MAPK10: variants seen among roughly 807,000 people sequenced by gnomAD.
MAPK10 encodes the protein mitogen-activated protein kinase 10, also known as JNK3 alpha protein kinase.
In MAPK10, 25 loss-of-function variants were observed where a neutral mutation model predicts 59.3. The observed-to-expected ratio is 0.42, with a 90% CI of 0.31 to 0.59. MAPK10 has a LOEUF of 0.59. Ranked by LOEUF, MAPK10 falls within the 20% of genes least tolerant of loss-of-function variation. MAPK10 has a pLI of 0.15. For synonymous variants in MAPK10, 190 were observed against 200.5 expected, an observed-to-expected ratio of 0.95 and a Z score of 0.44; for missense variants, 351 against 568.9, an observed-to-expected ratio of 0.62 and a Z score of 3.90.
chr4:86,347,978 G>A (rs995580279), intron 2 of MAPK10, among the ~76,000 whole-genome samples: 2 of 152,120 alleles, frequency 1.3e-5, no homozygotes, highest in Admixed American at 6.6e-5. Flanking sequence ...AACTGCTGCA[G>A]CCATTGAGAA....
intron 1 of MAPK10, among the ~76,000 whole-genome samples, chr4:86,582,105 A>G (rs1258922108): frequency 6.6e-6 from 1 of 151,452 alleles, no homozygotes; most frequent in Non-Finnish European, 1.5e-5. Flanking sequence ...TTTGTCTTCA[A>G]AAGTACAAGA....
chr4:86,133,451 C>A lies in MAPK10; in HGVS notation c.236+25847G>T, dbSNP rs574748685. Among the ~76,000 whole-genome samples, 3 of 152,106 alleles carry A rather than the reference C, an allele frequency of 2.0e-5. No individual in the cohort carries two copies. In the South Asian group the frequency reaches 6.3e-4, roughly 32 times the overall value. On this transcript the variant is annotated intron_variant, in intron 4 of 13. Coordinates refer to ENST00000641462, the MANE Select transcript of MAPK10 (RefSeq NM_138982.4). ...GTGATTTTTCTTAAAGAGGGAGCTC[C>A]AAAATTTTATAAGCTTAATGTGCAA... is the stretch of plus-strand genomic sequence containing the variant.
At chr4:86,462,556 T>G (rs1387927431) in intron 1 of MAPK10, among the ~76,000 whole-genome samples, 1 of 152,166 alleles carries the variant, frequency 6.6e-6, no homozygotes, top group African/African-American at 2.4e-5. Flanking sequence ...CAATCACTTC[T>G]CTACAGCACC....
At chr4:86,221,228 G>A (rs1290406939) in intron 2 of MAPK10, among the ~76,000 whole-genome samples, 1 of 152,134 alleles carries the variant, frequency 6.6e-6, no homozygotes, top group Non-Finnish European at 1.5e-5. Context: ...TATAAATCCT[G>A]AGCAATCACC....
At chr4:86,514,995 C>T (rs1204650727) in intron 1 of MAPK10, among the ~76,000 whole-genome samples, 1 of 151,984 alleles carries the variant, frequency 6.6e-6, no homozygotes, top group Non-Finnish European at 1.5e-5. Context: ...ATTCCTCACC[C>T]CCACCTCACA....
Position 86,159,477 on chromosome 4 carries a change from A to G in MAPK10, c.67-10T>C, listed in dbSNP as rs2068832854. ...CTTGTTTATCGAATCCCTGTCAAAA[A>G]GAAGAACAGCAAAAACATGAGGCAA... On this transcript the variant is annotated splice_polypyrimidine_tract_variant and intron_variant, in intron 3 of 13. Coordinates refer to ENST00000641462, the MANE Select transcript of MAPK10 (RefSeq NM_138982.4). 1 of 1,607,748 alleles carries G rather than the reference A, an allele frequency of 6.2e-7. No homozygotes were observed. The highest frequency in any genetic ancestry group is 1.3e-5 in the African/African-American group (1 of 74,702).
chr4:86,537,672 T>A (rs773865801), intron 1 of MAPK10, among the ~76,000 whole-genome samples: 40 of 152,184 alleles, frequency 2.6e-4, no homozygotes, highest in Non-Finnish European at 4.4e-4. Context: ...TGTCAGGTTG[T>A]TTGTGTTTGT....
At chr4:86,112,888 G>GTGTGCTC (rs2057723306) in intron 4 of MAPK10, among the ~76,000 whole-genome samples, 1 of 152,062 alleles carries the variant, frequency 6.6e-6, no homozygotes, top group African/African-American at 2.4e-5. Flanking sequence ...TTATGAAACT[G>GTGTGCTC]TGTGCTCCTG....
In MAPK10 at chr4:86,239,024, G is replaced by A. The variant is rs983424670; in HGVS notation, c.-6-44617C>T. Among the ~76,000 whole-genome samples, 3 of 152,014 alleles carry A rather than the reference G, an allele frequency of 2.0e-5. No homozygotes were observed. The East Asian group carries it at 5.8e-4, about 29-fold the overall frequency. On this transcript the variant is annotated intron_variant, in intron 2 of 13. Transcript: ENST00000641462. The stretch of plus-strand genomic sequence containing the variant: ...TATTATTTTGAGATTATGTTCCATA[G>A]ATATCTAGTTTATTGAGAGTTTTTA...
intron 9 of MAPK10, among the ~76,000 whole-genome samples, chr4:86,093,353 G>A (rs2053602186): frequency 1.3e-5 from 2 of 151,858 alleles, no homozygotes; most frequent in South Asian, 4.1e-4. Context: ...CTCAATGAAT[G>A]ACTCAACACA....
At chr4:86,372,564 G>GAAAGGAAGGAAAAGAAAAGA (rs1554253764) in intron 1 of MAPK10, among the ~76,000 whole-genome samples, 4 of 78,690 alleles carry the variant, frequency 5.1e-5, no homozygotes, top group African/African-American at 1.8e-4. Flanking sequence ...AAGAAAGAAA[G>GAAAGGAAGGAAAAGAAAAGA]AAAGAAAAGA....
rs1578951816 is a variant in MAPK10 at position 86,371,901 on chromosome 4, A to G, written c.-121-17257T>C. On this transcript the variant is annotated intron_variant, in intron 1 of 13. Transcript: ENST00000361569. ...CAGTCTTTTCAACCCACAGACCTAC[A>G]AAGAGACTTAGACTCCCACACAATA... 2.6e-5 allele frequency among the ~76,000 whole-genome samples: 4 copies of G among 152,250 alleles called. No homozygotes were observed. In the East Asian group the frequency reaches 7.7e-4, roughly 29 times the overall value.
chr4:86,403,310 T>A (rs1033513352), intron 1 of MAPK10, among the ~76,000 whole-genome samples: 3 of 150,946 alleles, frequency 2.0e-5, no homozygotes, highest in African/African-American at 4.9e-5. Context: ...AGGTCAGGAG[T>A]TCAAGATCAG....
At chr4:86,431,332 T>C (rs1230751051) in intron 1 of MAPK10, among the ~76,000 whole-genome samples, 3 of 152,172 alleles carry the variant, frequency 2.0e-5, no homozygotes, top group African/African-American at 4.8e-5. Flanking sequence ...TGAAAAGATA[T>C]TCATGACAAG....
intron 9 of MAPK10, chr4:86,089,057 T>G (rs2052539874): frequency 1.7e-6 from 1 of 600,078 alleles, no homozygotes; most frequent in African/African-American, 1.9e-5. Flanking sequence ...TACTCTGCCA[T>G]AATGCCAACT....
intron 1 of MAPK10, among the ~76,000 whole-genome samples, chr4:86,427,724 C>A (rs1184654427): frequency 6.6e-6 from 1 of 152,208 alleles, no homozygotes; most frequent in Non-Finnish European, 1.5e-5. Context: ...TTTCTCATTT[C>A]ATCTCTCTTC....
chr4:86,053,321 G>C (rs537346030), intron 11 of MAPK10, among the ~76,000 whole-genome samples: 20 of 152,248 alleles, frequency 1.3e-4, no homozygotes, highest in African/African-American at 4.1e-4. Context: ...GAGTGCCTTA[G>C]AGCTCTCCTT....
At chr4:86,362,053 C>A (rs376270881), upstream of MAPK10, among the ~76,000 whole-genome samples, 6 of 151,834 alleles carry the variant, frequency 4.0e-5, 1 homozygote, top group Middle Eastern at 6.4e-3. Context: ...GTTCTTACTA[C>A]AAAGAAATGA....
At chr4:86,310,186 T>G (rs2095642286) in intron 2 of MAPK10, among the ~76,000 whole-genome samples, 1 of 152,168 alleles carries the variant, frequency 6.6e-6, no homozygotes, top group Admixed American at 6.6e-5. Flanking sequence ...ACCAAAGTAC[T>G]TCTTACATGT....
Sources: allele counts gnomAD v4.1 joint callset (sites outside exome capture counted in the v4.1 genomes callset), GRCh38; gene constraint gnomAD v4.1.1; transcripts MANE v1.5; gene names NCBI Gene and HGNC (gene_info 2026-07-23, HGNC 2026-07-21).